Variants in DESI1 observed in about 807,000 individuals in gnomAD.
DESI1 encodes PPPDE peptidase domain containing 2.
Under a neutral mutation model 22.4 loss-of-function variants are expected in DESI1, and 17 were observed. The observed-to-expected ratio is 0.76, with a 90% CI of 0.52 to 1.14. The LOEUF (loss-of-function observed/expected upper bound fraction) is 1.14, where lower values mean the gene tolerates loss of function less well. DESI1 is among the 50% of genes most tolerant of loss of function. DESI1 has a pLI of 0.00. For missense variants in DESI1, 177 were observed against 208.9 expected (o/e 0.85, Z 0.94); for synonymous variants, 92 against 84.2 (o/e 1.09, Z -0.51).
chr22:41,604,571 C>T (rs1396355325), intron 3 of DESI1, among the ~76,000 whole-genome samples: 2 of 152,000 alleles, frequency 1.3e-5, no homozygotes, highest in Non-Finnish European at 2.9e-5. Context: ...ACTTGCAGAG[C>T]ACCCTGGGCA....
At chr22:41,602,949 G>T in intron 5 of DESI1, 2 of 571,830 alleles carry the variant, frequency 3.5e-6, no homozygotes, top group Non-Finnish European at 5.1e-6. Flanking sequence ...CTGGGGAGTG[G>T]CATGCTTCGA....
At chr22:41,616,942 C>A (rs1171819894) in intron 1 of DESI1, among the ~76,000 whole-genome samples, 1 of 152,172 alleles carries the variant, frequency 6.6e-6, no homozygotes. Context: ...ACTGACATAA[C>A]TGAAGCCTGA....
rs1268081278 is a variant in DESI1 at position 41,598,161 on chromosome 22, G to C, written c.*2936C>G. On this transcript the variant is annotated 3_prime_UTR_variant, in exon 6 of 6. Coordinates refer to ENST00000263256, the MANE Select transcript of DESI1 (RefSeq NM_015704.3). ...TCAGATACTAGATTTACTTCTGGGA[G>C]GGGGTGATGGTCTCATCCCTCCTCC... The C allele has an allele frequency of 2.6e-5, 4 of 152,178 alleles. No individual in the cohort carries two copies. The highest frequency in any genetic ancestry group is 5.9e-5 in the Non-Finnish European group (4 of 68,058). 9.4% of individuals were successfully genotyped at this position (152,178 alleles called of 1,614,324 possible). A position where few individuals can be genotyped will look rare whatever the true frequency, so the allele number is the denominator to read the frequency against.
chr22:41,605,323 A>G (rs2067472920), intron 3 of DESI1, among the ~76,000 whole-genome samples: 1 of 152,188 alleles, frequency 6.6e-6, no homozygotes, highest in African/African-American at 2.4e-5. Flanking sequence ...ACCCTCAGCC[A>G]TGTGGTTAAC....
At chr22:41,608,834 T>C (rs901221647) in intron 1 of DESI1, among the ~76,000 whole-genome samples, 4 of 152,288 alleles carry the variant, frequency 2.6e-5, no homozygotes, top group East Asian at 3.9e-4. Context: ...AGGAAGGGCA[T>C]TGAAAGACGT....
At chr22:41,611,513 T>C (rs1339211701) in intron 1 of DESI1, among the ~76,000 whole-genome samples, 2 of 152,224 alleles carry the variant, frequency 1.3e-5, no homozygotes. Context: ...CTGCAATTTG[T>C]TTATTTACGT....
rs13054317 is a variant in DESI1 at position 41,609,034 on chromosome 22, C to T, written c.89-1173G>A. ...TCGGCTCATTGCAACCTCTGCCCCC[C>T]GGGTTCAAGTGATTCTCATGCCTCA... On this transcript the variant is annotated intron_variant, in intron 1 of 5. Coordinates refer to ENST00000263256, the MANE Select transcript of DESI1 (RefSeq NM_015704.3). Among the ~76,000 whole-genome samples the T allele has an allele frequency of 7.1e-3, 1,084 of 152,250 alleles. 5 individuals are homozygous for T. Among genetic ancestry groups the T allele is most frequent in the Non-Finnish European group, 0.011 (759 of 68,026 alleles).
chr22:41,614,223 A>G (rs1249404526), intron 1 of DESI1, among the ~76,000 whole-genome samples: 2 of 151,066 alleles, frequency 1.3e-5, no homozygotes, highest in African/African-American at 4.9e-5. Context: ...TTTTTAGTAG[A>G]GACGGGGTTT....
chr22:41,607,483 A>C, intron 2 of DESI1, 152 bp from the exon 3 acceptor site: 1 of 715,564 alleles, frequency 1.4e-6, no homozygotes, highest in Non-Finnish European at 2.3e-6. Context: ...GAATATGATA[A>C]ATACCACAGA....
chr22:41,611,656 G>GAT (rs2067518248), intron 1 of DESI1, among the ~76,000 whole-genome samples: 1 of 142,688 alleles, frequency 7.0e-6, no homozygotes, highest in Non-Finnish European at 1.5e-5. Flanking sequence ...ACGATGGTGT[G>GAT]ATCTTGGCTG....
intron 5 of DESI1, among the ~76,000 whole-genome samples, chr22:41,601,635 A>AT (rs1218277138): frequency 6.6e-6 from 1 of 152,168 alleles, no homozygotes; most frequent in Non-Finnish European, 1.5e-5. Flanking sequence ...AAACAACTGG[A>AT]TTTTTTTCAG....
At chr22:41,609,117 T>G (rs2067500931) in intron 1 of DESI1, among the ~76,000 whole-genome samples, 1 of 152,182 alleles carries the variant, frequency 6.6e-6, no homozygotes. Context: ...GATTTTTGTA[T>G]TTTTAGTAGA....
At chr22:41,611,263 G>T (rs1209610230) in intron 1 of DESI1, among the ~76,000 whole-genome samples, 1 of 152,152 alleles carries the variant, frequency 6.6e-6, no homozygotes, top group Non-Finnish European at 1.5e-5. Context: ...CCAAGTACAG[G>T]CTGGGATTAC....
chr22:41,604,250 CTT>C (rs1264626626), intron 3 of DESI1, 97 bp from the exon 4 acceptor site: 34,643 of 280,358 alleles, frequency 0.12, 664 homozygotes, highest in African/African-American at 0.19. Context: ...TCTGTTCTGA[CTT>C]TTTTTTTTTT....
chr22:41,614,556 T>A (rs1233871065), intron 1 of DESI1, among the ~76,000 whole-genome samples: 2 of 148,120 alleles, frequency 1.4e-5, no homozygotes, highest in African/African-American at 2.5e-5. Flanking sequence ...GTAGCTGGGA[T>A]TATAGGTGTG....
At chr22:41,604,227 A>T in intron 3 of DESI1, 74 bp from the exon 4 acceptor site, 1 of 1,072,014 alleles carries the variant, frequency 9.3e-7, no homozygotes, top group Non-Finnish European at 1.4e-6. Context: ...TTCCCACAGT[A>T]GACCACAAAC....
intron 4 of DESI1, 61 bp from the exon 5 acceptor site, chr22:41,603,442 A>G (rs2067460957): frequency 6.2e-7 from 1 of 1,609,764 alleles, no homozygotes; most frequent in Non-Finnish European, 8.5e-7. Flanking sequence ...ATGTGGAATA[A>G]CTCAAGCTAG....
chr22:41,619,079 C>CA lies in DESI1; in HGVS notation c.88+1672dup, dbSNP rs778580353. Reference sequence around the variant, plus strand: ...ACTCCGTCTCAAAAAAAAAAACCAACAAAAAAAAAACACTTGACTGATGTA... The same window carrying CA: ...ACTCCGTCTCAAAAAAAAAAACCAACAAAAAAAAAAACACTTGACTGATGTA... On this transcript the variant is annotated intron_variant, in intron 1 of 5. Coordinates refer to ENST00000263256, the MANE Select transcript of DESI1 (RefSeq NM_015704.3). Among the ~76,000 whole-genome samples the CA allele has an allele frequency of 1.6e-3, 237 of 145,604 alleles. 1 individual carries two copies. The highest frequency in any genetic ancestry group is 2.5e-3 in the Admixed American group (37 of 14,596).
At chr22:41,615,560 A>G (rs1294244159) in intron 1 of DESI1, among the ~76,000 whole-genome samples, 1 of 152,270 alleles carries the variant, frequency 6.6e-6, no homozygotes, top group Non-Finnish European at 1.5e-5. Flanking sequence ...CACACAGTGA[A>G]CAAAAATCAA....
Sources: gnomAD v4.1 joint callset for allele counts (sites outside exome capture counted in the v4.1 genomes callset) on GRCh38, gnomAD v4.1.1 for gene constraint, MANE v1.5 for transcripts, NCBI Gene and HGNC (gene_info 2026-07-23, HGNC 2026-07-21) for gene names.